PLEKHN1: variants seen among roughly 807,000 people sequenced by gnomAD.
PLEKHN1 encodes pleckstrin homology domain-containing family N member 1.
PLEKHN1 carries 68 observed loss-of-function variants against 72.8 expected under a neutral mutation model. The ratio of observed to expected loss-of-function variants is 0.93; its 90% CI spans 0.77 to 1.14. The LOEUF is 1.14. PLEKHN1 is among the 50% of genes most tolerant of loss of function. PLEKHN1 has a pLI of 0.00. For synonymous variants in PLEKHN1, 454 were observed against 371.6 expected (o/e 1.22, Z -2.55); for missense variants, 1,015 against 840.5 (o/e 1.21, Z -2.57).
intron 2 of PLEKHN1, among the ~76,000 whole-genome samples, chr1:969,688 G>A (rs1643195278): frequency 6.6e-6 from 1 of 152,082 alleles, no homozygotes; most frequent in Admixed American, 6.5e-5. Flanking sequence ...GTGTACATGT[G>A]TGTATAAGTG....
At chr1:968,060 C>T (rs903965733) in intron 2 of PLEKHN1, among the ~76,000 whole-genome samples, 20 of 152,230 alleles carry the variant, frequency 1.3e-4, no homozygotes, top group African/African-American at 4.8e-4. Context: ...AAGCTGAGTC[C>T]TCCCCGGGGC....
chr1:974,654 C>A lies in PLEKHN1; in HGVS notation c.*79C>A. On this transcript the variant is annotated 3_prime_UTR_variant, in exon 16 of 16. Coordinates refer to ENST00000379410, the MANE Select transcript of PLEKHN1 (RefSeq NM_032129.3). ...TGCCCCTCTAACCCACTTCAAATTA[C>A]AAGTCAGGGTCTGAACCCAGTGTGA... 1 of 1,497,420 alleles carries A rather than the reference C, an allele frequency of 6.7e-7. No homozygotes were observed. Among genetic ancestry groups the A allele is most frequent in the Non-Finnish European group, 8.9e-7 (1 of 1,118,204 alleles). The allele number at this position is 1,497,420 out of a possible 1,614,324, so 92.8% of individuals were successfully genotyped here.
At chr1:969,552 A>G (rs1420728996) in intron 2 of PLEKHN1, among the ~76,000 whole-genome samples, 1 of 150,826 alleles carries the variant, frequency 6.6e-6, no homozygotes. Flanking sequence ...GCACGTGTGT[A>G]TGTGTATACA....
intron 12 of PLEKHN1, 62 bp from the exon 13 acceptor site, chr1:973,438 A>G: frequency 6.3e-7 from 1 of 1,592,754 alleles, no homozygotes; most frequent in Non-Finnish European, 8.5e-7. Context: ...TCTTGCACAG[A>G]GAAGGGGTGG....
At chr1:972,007 G>A in intron 8 of PLEKHN1, 68 bp from the exon 9 acceptor site, 3 of 1,443,696 alleles carry the variant, frequency 2.1e-6, no homozygotes, top group South Asian at 1.2e-5. Context: ...GCAAGAGGGT[G>A]GGATGAGGCC....
At position 972,991 on chromosome 1, in the gene PLEKHN1, G is replaced by T. The variant is rs1371413385; in HGVS notation, c.1133G>T (p.Cys378Phe). The T allele has an allele frequency of 1.3e-6, 2 of 1,597,314 alleles. No homozygotes were observed. The highest frequency in any genetic ancestry group is 3.3e-4 in the Middle Eastern group (2 of 6,020). Reference sequence around the variant, plus strand: ...TCCTCAGTGCCATCCACCGTGGGCTGCTCCTCCCAGCACACACCGGTGAGC... The same window carrying T: ...TCCTCAGTGCCATCCACCGTGGGCTTCTCCTCCCAGCACACACCGGTGAGC... ...PESSVPSTVG[C>F]SSQHTPDQAN... Residue 378 changes from cysteine to phenylalanine, a missense_variant, in exon 11 of 16, where the codon TGC becomes TTC. By Grantham distance (205) the Cys-to-Phe change is radical (BLOSUM62 -2). Coordinates refer to ENST00000379410, the MANE Select transcript of PLEKHN1 (RefSeq NM_032129.3).
chr1:971,535 C>G (rs1257844721), intron 8 of PLEKHN1, 131 bp downstream of exon 8: 2 of 878,026 alleles, frequency 2.3e-6, no homozygotes, highest in South Asian at 1.5e-5. Context: ...CCACCCAGCC[C>G]GCGGTCCTGG....
rs549788273 is a variant in PLEKHN1, at chr1:972,744, C to T, written c.1003-117C>T. 372 of 1,309,514 alleles carry T rather than the reference C, an allele frequency of 2.8e-4. 2 individuals are homozygous for T. In the African/African-American group the frequency reaches 4.5e-3, roughly 16 times the overall value. 81.1% of individuals were successfully genotyped at this position (1,309,514 alleles called of 1,614,324 possible). A position where few individuals can be genotyped will look rare whatever the true frequency, so the allele number is the denominator to read the frequency against. ...TCGTGCCACTGTACTGCAGCCTGGG[C>T]GACAGAATAAGACTTCGTCCCAAAA... On this transcript the variant is annotated intron_variant, in intron 10 of 15. Transcript: ENST00000379410.
chr1:970,436 C>T lies in PLEKHN1; in HGVS notation c.330+13C>T. On this transcript the variant is annotated intron_variant, in intron 3 of 15. Transcript: ENST00000379410. The surrounding 1 kb of genome is among the most constrained non-coding windows in gnomAD (Gnocchi z 4.2). Reference sequence around the variant, plus strand: ...CCAGCACAGCCAGGTGGGGGCCGGGCTGGGTGGAGCACGCTAAGGGTGCAG... The same window carrying T: ...CCAGCACAGCCAGGTGGGGGCCGGGTTGGGTGGAGCACGCTAAGGGTGCAG... 4.3e-6 allele frequency: 7 copies of T among 1,613,218 alleles called. No individual in the cohort carries two copies. The highest frequency in any genetic ancestry group is 5.9e-6 in the Non-Finnish European group (7 of 1,179,926).
rs145729592 is a variant in PLEKHN1 at position 970,703 on chromosome 1, G to T, written c.429G>T (p.Thr143=). The T allele has an allele frequency of 6.3e-7, 1 of 1,597,410 alleles. No individual in the cohort carries two copies. The highest frequency in any genetic ancestry group is 1.3e-5 in the African/African-American group (1 of 74,822). ...CCTGGCAGGGGCTGTTACCGCTGACGGAGCTGAGTGTCTGCCCGCTCGAGG... is the reference window on the plus strand; with the variant it reads ...CCTGGCAGGGGCTGTTACCGCTGACTGAGCTGAGTGTCTGCCCGCTCGAGG... The part of the protein sequence containing the change: ...GLTFQGLLPL[T]ELSVCPLEGS... Residue 143 remains threonine, a synonymous_variant, in exon 5 of 16, where the codon ACG becomes ACT. Transcript: ENST00000379410. The surrounding 1 kb of genome is among the most constrained non-coding windows in gnomAD (Gnocchi z 4.2).
chr1:971,516 G>T, intron 8 of PLEKHN1, 112 bp downstream of exon 8: 1 of 1,043,854 alleles, frequency 9.6e-7, no homozygotes. Flanking sequence ...ACAGAGCGCA[G>T]GGCCCTGCCC....
At chr1:968,074 G>A (rs562075923) in intron 2 of PLEKHN1, among the ~76,000 whole-genome samples, 20 of 152,358 alleles carry the variant, frequency 1.3e-4, no homozygotes, top group African/African-American at 3.6e-4. Flanking sequence ...CCGGGGCCCC[G>A]AGGCTGAGCT....
At chr1:973,067 G>A in intron 11 of PLEKHN1, 57 bp downstream of exon 11, 1 of 1,551,376 alleles carries the variant, frequency 6.4e-7, no homozygotes, top group Admixed American at 1.9e-5. Context: ...GGGTAGGTGT[G>A]TGTTGGGGAC....
chr1:970,758 G>A lies in PLEKHN1; in HGVS notation c.484G>A (p.Gly162Ser), dbSNP rs747554393. Residue 162 changes from glycine (G) to serine (S), a missense_variant and splice_region_variant, in exon 5 of 16, where the codon GGC (glycine) becomes AGC (serine). Transcript: ENST00000379410. This position sits in a 1 kb window ranked among gnomAD's most constrained non-coding sequence, Gnocchi z 4.2. ...CCGAGAGCACGCCTTCCAGATCACA[G>A]GTGTTTGGGATGCTTCCCGGGCCCC... ...GSREHAFQIT[G>S]PLPAPLLVLC... The A allele has an allele frequency of 1.2e-6, 2 of 1,612,440 alleles. No homozygotes were observed. The highest frequency in any genetic ancestry group is 2.7e-5 in the African/African-American group (2 of 74,920).
In PLEKHN1 at chr1:972,994, C is replaced by T; in HGVS notation, c.1136C>T (p.Ser379Phe). ...ESSVPSTVGC[S>F]SQHTPDQANS... is the part of the protein sequence containing the mutation. ...TCAGTGCCATCCACCGTGGGCTGCT[C>T]CTCCCAGCACACACCGGTGAGCGCT... Residue 379 changes from serine (S) to phenylalanine (F), a missense_variant, in exon 11 of 16, where the codon TCC (serine) becomes TTC (phenylalanine). Ser to Phe is a radical substitution (Grantham distance 155). Coordinates refer to ENST00000379410, the MANE Select transcript of PLEKHN1 (RefSeq NM_032129.3). The T allele has an allele frequency of 7.5e-6, 12 of 1,597,748 alleles. No individual in the cohort carries two copies. Among genetic ancestry groups the T allele is most frequent in the Non-Finnish European group, 1.0e-5 (12 of 1,172,154 alleles).
chr1:972,799 C>G, intron 10 of PLEKHN1, 62 bp from the exon 11 acceptor site: 1 of 1,449,124 alleles, frequency 6.9e-7, no homozygotes, highest in Non-Finnish European at 9.1e-7. Flanking sequence ...ACGGTGGGTC[C>G]AGGCAGGGGC....
chr1:973,105 G>A, intron 11 of PLEKHN1, 81 bp from the exon 12 acceptor site: 2 of 1,506,410 alleles, frequency 1.3e-6, no homozygotes, highest in African/African-American at 1.4e-5. Flanking sequence ...ACTCAGACTG[G>A]AGGGAGCCCC....
At chr1:972,490 G>A in intron 10 of PLEKHN1, 66 bp downstream of exon 10, 1 of 1,470,226 alleles carries the variant, frequency 6.8e-7, no homozygotes, top group Non-Finnish European at 9.0e-7. Flanking sequence ...AGCAGACCGG[G>A]CGTGGTGGCG....
Position 973,176 on chromosome 1 carries a change from G to A in PLEKHN1, c.1153-10G>A. The A allele has an allele frequency of 6.6e-7, 1 of 1,508,412 alleles. No homozygotes were observed. The highest frequency in any genetic ancestry group is 8.9e-7 in the Non-Finnish European group (1 of 1,119,382). The allele number at this position is 1,508,412 out of a possible 1,614,324, so 93.4% of individuals were successfully genotyped here. The stretch of plus-strand genomic sequence containing the variant: ...AAGGGCTCTTCCTGGAAGGTTTGTG[G>A]TCCCCACAGGACCAGGCCAACTCTG... On this transcript the variant is annotated splice_polypyrimidine_tract_variant and intron_variant, in intron 11 of 15. Transcript: ENST00000379410.
Sources: gnomAD v4.1 joint callset for allele counts (sites outside exome capture counted in the v4.1 genomes callset) on GRCh38, gnomAD v4.1.1 for gene constraint, Gnocchi (gnomAD v3.1) non-coding constraint, MANE v1.5 for transcripts, NCBI Gene and HGNC (gene_info 2026-07-23, HGNC 2026-07-21) for gene names.